The following ZNF423 variants were observed in gnomAD, a reference collection of about 807,000 sequenced individuals.
ZNF423 encodes the protein zinc finger protein 423.
ZNF423 carries 12 observed loss-of-function variants against 95.8 expected under a neutral mutation model. The observed-to-expected ratio is 0.13, with a 90% CI of 0.08 to 0.20. The LOEUF (loss-of-function observed/expected upper bound fraction) is 0.20, where lower values mean the gene tolerates loss of function less well. ZNF423 is among the 10% of genes least tolerant of loss of function. The pLI is 1.00. For synonymous variants in ZNF423, 749 were observed against 711.9 expected (o/e 1.05, Z -0.83); for missense variants, 1,316 against 1,737.1 (o/e 0.76, Z 4.31).
intron 2 of ZNF423, among the ~76,000 whole-genome samples, chr16:49,785,258 C>A (rs1442234951): frequency 2.0e-5 from 3 of 151,906 alleles, no homozygotes; most frequent in Non-Finnish European, 4.4e-5. Context: ...TGTTTTTATT[C>A]TTTGTAGAGA....
chr16:49,673,558 G>C (rs1395394854), intron 3 of ZNF423, among the ~76,000 whole-genome samples: 1 of 152,194 alleles, frequency 6.6e-6, no homozygotes, highest in Non-Finnish European at 1.5e-5. Context: ...ATTAAAGCAG[G>C]CATCTTTCCT....
intron 5 of ZNF423, among the ~76,000 whole-genome samples, chr16:49,600,793 C>T (rs1479653568): frequency 1.3e-5 from 2 of 152,176 alleles, no homozygotes; most frequent in Non-Finnish European, 2.9e-5. Flanking sequence ...AGTGAGTGCT[C>T]CGGCTCCGAC....
Position 49,827,379 on chromosome 16 carries a change from A to T in ZNF423, c.40+28356T>A, listed in dbSNP as rs117300853. 2.0e-3 allele frequency among the ~76,000 whole-genome samples: 303 copies of T among 152,208 alleles called. 9 individuals carry two copies. In the East Asian group the frequency reaches 0.054, roughly 27 times the overall value. ...TCACTTCCTTGTCTGGTTACCAACA[A>T]CAACAAGCAGAACATCAGCTCCAGG... On this transcript the variant is annotated intron_variant, in intron 1 of 7. Coordinates refer to ENST00000563137, the MANE Select transcript of ZNF423 (RefSeq NM_001379286.1).
At chr16:49,767,900 C>G (rs1199882894) in intron 2 of ZNF423, among the ~76,000 whole-genome samples, 1 of 152,222 alleles carries the variant, frequency 6.6e-6, no homozygotes, top group East Asian at 1.9e-4. Context: ...AGGCTTACGT[C>G]GGGTCCTCCC....
chr16:49,580,161 C>T (rs910977576), intron 5 of ZNF423, among the ~76,000 whole-genome samples: 2 of 152,138 alleles, frequency 1.3e-5, no homozygotes, highest in Non-Finnish European at 2.9e-5. Context: ...AGAATAAAAT[C>T]CCAGTTCTTG....
rs541302864 is a variant in ZNF423, at chr16:49,681,670, C to A, written c.302-42796G>T. ...CAAGGGCAGCCCACAGGCGTGCCCA[C>A]CCCCACAGCCTCGGCCACTCCCCCA... On this transcript the variant is annotated intron_variant, in intron 3 of 7. Transcript: ENST00000563137. Among the ~76,000 whole-genome samples the A allele has an allele frequency of 8.5e-5, 13 of 152,346 alleles. No individual in the cohort carries two copies. In the South Asian group the frequency reaches 1.7e-3, roughly 19 times the overall value.
intron 1 of ZNF423, among the ~76,000 whole-genome samples, chr16:49,815,523 G>A (rs778973019): frequency 4.6e-5 from 7 of 152,062 alleles, no homozygotes; most frequent in African/African-American, 1.7e-4. Flanking sequence ...GTGGTATGAC[G>A]GGTGCCAAGT....
At chr16:49,571,478 C>T (rs760382634) in intron 5 of ZNF423, among the ~76,000 whole-genome samples, 13 of 151,998 alleles carry the variant, frequency 8.6e-5, no homozygotes, top group Non-Finnish European at 1.8e-4. Context: ...AGAAGAGGAA[C>T]AGCATGCACA....
intron 1 of ZNF423, among the ~76,000 whole-genome samples, chr16:49,790,686 T>C (rs1368520824): frequency 6.6e-6 from 1 of 152,254 alleles, no homozygotes; most frequent in African/African-American, 2.4e-5. Context: ...ACCTGAGTTC[T>C]AGCGCAAGGC....
At chr16:49,756,377 T>C (rs1205347221) in intron 2 of ZNF423, among the ~76,000 whole-genome samples, 1 of 152,078 alleles carries the variant, frequency 6.6e-6, no homozygotes, top group African/African-American at 2.4e-5. Context: ...ATTTCAGAAA[T>C]GTTAGGCAAT....
intron 5 of ZNF423, among the ~76,000 whole-genome samples, chr16:49,569,398 G>C (rs1970292556): frequency 6.6e-6 from 1 of 152,232 alleles, no homozygotes; most frequent in African/African-American, 2.4e-5. Context: ...TGCCCAGTTA[G>C]GGTCAGGGTT....
chr16:49,842,410 A>AAGGAAGGCAGGCAGGC (rs1448904663), intron 1 of ZNF423, among the ~76,000 whole-genome samples: 41 of 77,954 alleles, frequency 5.3e-4, no homozygotes, highest in Non-Finnish European at 7.0e-4. Flanking sequence ...GGAAGGAAGG[A>AAGGAAGGCAGGCAGGC]AGGCAGGCAG....
chr16:49,819,260 A>AAG (rs2034903875), intron 1 of ZNF423, among the ~76,000 whole-genome samples: 1 of 151,280 alleles, frequency 6.6e-6, no homozygotes, highest in Non-Finnish European at 1.5e-5. Flanking sequence ...AAAAAAAAAA[A>AAG]AAAAAAAAAT....
intron 5 of ZNF423, among the ~76,000 whole-genome samples, chr16:49,577,499 A>G (rs1056092648): frequency 4.6e-5 from 7 of 152,124 alleles, no homozygotes; most frequent in African/African-American, 7.2e-5. Context: ...GCCAGGAGCC[A>G]GCATCTCCAC....
intron 5 of ZNF423, among the ~76,000 whole-genome samples, chr16:49,569,813 G>A (rs1040165070): frequency 6.6e-6 from 1 of 152,220 alleles, no homozygotes; most frequent in African/African-American, 2.4e-5. Context: ...GTTTTACTAT[G>A]TGTCAGGCAC....
intron 7 of ZNF423, 64 bp downstream of exon 7, chr16:49,523,560 G>A (rs771234230): frequency 1.2e-4 from 164 of 1,423,412 alleles, no homozygotes; most frequent in Non-Finnish European, 1.4e-4. Context: ...CCCTGAGACC[G>A]TCGGTGCTGA....
intron 2 of ZNF423, among the ~76,000 whole-genome samples, chr16:49,749,091 G>C (rs977619485): frequency 6.6e-6 from 1 of 152,168 alleles, no homozygotes; most frequent in Non-Finnish European, 1.5e-5. Flanking sequence ...CAGCATAGGA[G>C]AGTAACCTCC....
At chr16:49,738,486 C>T (rs959139437) in intron 2 of ZNF423, among the ~76,000 whole-genome samples, 1 of 152,138 alleles carries the variant, frequency 6.6e-6, no homozygotes, top group Non-Finnish European at 1.5e-5. Flanking sequence ...ATCTCATGAA[C>T]GCCATCCTCT....
chr16:49,701,228 C>A (rs187521719), intron 3 of ZNF423, among the ~76,000 whole-genome samples: 22 of 152,212 alleles, frequency 1.4e-4, no homozygotes, highest in Admixed American at 1.4e-3. Context: ...ACGTGGAAGC[C>A]GGTATATGCA....
Sources: allele counts gnomAD v4.1 joint callset (sites outside exome capture counted in the v4.1 genomes callset), GRCh38; gene constraint gnomAD v4.1.1; transcripts MANE v1.5; gene names NCBI Gene and HGNC (gene_info 2026-07-23, HGNC 2026-07-21).